UPF3A: variants seen among roughly 807,000 people sequenced by gnomAD.
UPF3A encodes UPF3A regulator of nonsense mediated mRNA decay.
UPF3A carries 42 observed loss-of-function variants against 53.5 expected under a neutral mutation model. The ratio of observed to expected loss-of-function variants is 0.78; its 90% confidence interval spans 0.61 to 1.01. UPF3A has a LOEUF of 1.01. Ranked by LOEUF, UPF3A falls within the 50% of genes least tolerant of loss-of-function variation. The pLI is 0.00. For synonymous variants in UPF3A, 237 were observed against 225.3 expected (o/e 1.05, Z -0.47); for missense variants, 575 against 598.0 (o/e 0.96, Z 0.40).
rs753436215 is a variant in UPF3A, at chr13:114,281,787, T to C, written c.148T>C (p.Ser50Pro). 1 of 1,555,094 alleles carries C rather than the reference T, an allele frequency of 6.4e-7. No individual in the cohort carries two copies. Among genetic ancestry groups the C allele is most frequent in the African/African-American group, 1.4e-5 (1 of 72,530 alleles). ...QEAETPPTSS[S>P]GCGGGAGKPR... ...GGCTGAGACGCCGCCAACTTCGTCC[T>C]CCGGTTGCGGGGGCGGTGCGGGCAA... Residue 50 changes from serine to proline, a missense_variant, in exon 1 of 10, where the codon TCC becomes CCC. By Grantham distance (74) the Ser-to-Pro change is moderately conservative. Around this residue, in one of 2 missense-constraint regions of UPF3A, gnomAD observed 252 missense variants for 182.7 expected, o/e 1.38. Transcript: ENST00000375299.
rs200734238 is a variant in UPF3A at position 114,301,731 on chromosome 13, G to A, written c.1008G>A (p.Thr336=). The stretch of plus-strand genomic sequence containing the variant: ...GCTGATCATTTGTGTTGAATCATAG[G>A]TCACACAGCGGCAGTGATAAAGAGC... ...MEGSLEEPQE[T]SHSGSDKEHR... The change falls in exon 9 of 10, where the codon ACG becomes ACA. Residue 336 remains threonine, a splice_region_variant and synonymous_variant. Transcript: ENST00000375299. The A allele has an allele frequency of 2.0e-5, 32 of 1,606,476 alleles. No individual in the cohort carries two copies. In the South Asian group the frequency reaches 2.9e-4, roughly 14 times the overall value.
intron 5 of UPF3A, among the ~76,000 whole-genome samples, chr13:114,288,424 C>T (rs562197261): frequency 3.3e-5 from 5 of 152,214 alleles, no homozygotes; most frequent in South Asian, 2.1e-4. Flanking sequence ...TGAGCCTGGC[C>T]GTGCTGAGCA....
rs1428491401 is a variant in UPF3A, at chr13:114,282,097, A to G, written c.284A>G (p.Asp95Gly). The G allele has an allele frequency of 6.3e-7, 1 of 1,577,418 alleles. No homozygotes were observed. The change falls in exon 2 of 10, where the codon GAC becomes GGC. Residue 95 changes from aspartate (D) to glycine (G), a missense_variant. Coordinates refer to ENST00000375299, the MANE Select transcript of UPF3A (RefSeq NM_023011.4). ...CAGCTGCGCCCGCTGCCAGCACACG[A>G]CTACTTCGAGTTCTTCGCCGCCGAC... ...EEQLRPLPAH[D>G]YFEFFAADLS... is the part of the protein sequence containing the mutation.
At chr13:114,290,366 A>G (rs1315859493) in intron 5 of UPF3A, among the ~76,000 whole-genome samples, 1 of 152,172 alleles carries the variant, frequency 6.6e-6, no homozygotes, top group African/African-American at 2.4e-5. Context: ...TTCCTGATTC[A>G]TTCCTGGTCC....
chr13:114,282,148 A>T (rs1487809226), intron 2 of UPF3A, 21 bp downstream of exon 2: 5 of 1,533,698 alleles, frequency 3.3e-6, no homozygotes, highest in East Asian at 2.5e-5. Context: ...CCCCGAGGGG[A>T]GGAAGAGAGG....
chr13:114,293,360 G>T (rs887554712), intron 7 of UPF3A, among the ~76,000 whole-genome samples: 2 of 152,096 alleles, frequency 1.3e-5, no homozygotes, highest in African/African-American at 4.8e-5. Context: ...CTCCAGCCTG[G>T]GCAACAGAGC....
chr13:114,302,794 T>C (rs2086707763), intron 9 of UPF3A, among the ~76,000 whole-genome samples: 1 of 152,222 alleles, frequency 6.6e-6, no homozygotes, highest in Non-Finnish European at 1.5e-5. Flanking sequence ...GTATGAACGA[T>C]GTTCACTTTG....
At chr13:114,302,915 A>T (rs2086720822) in intron 9 of UPF3A, among the ~76,000 whole-genome samples, 1 of 152,178 alleles carries the variant, frequency 6.6e-6, no homozygotes, top group South Asian at 2.1e-4. Context: ...CAGCCTGGCC[A>T]ACATGGCGAA....
chr13:114,291,578 C>T, intron 6 of UPF3A, 34 bp downstream of exon 6: 5 of 1,604,558 alleles, frequency 3.1e-6, no homozygotes, highest in South Asian at 1.1e-5. Flanking sequence ...AACACCCTCC[C>T]TGCTTCTGCC....
chr13:114,302,457 C>A (rs1364404743), intron 9 of UPF3A, among the ~76,000 whole-genome samples: 2 of 152,014 alleles, frequency 1.3e-5, no homozygotes, highest in Admixed American at 6.5e-5. Context: ...GTGGTTACCC[C>A]CTTAGCCAAG....
At position 114,286,288 on chromosome 13, in the gene UPF3A, T is replaced by G; in HGVS notation, c.422-14T>G. 6.2e-7 allele frequency: 1 copy of G among 1,610,926 alleles called. No homozygotes were observed. Among genetic ancestry groups the G allele is most frequent in the Admixed American group, 1.7e-5 (1 of 59,372 alleles). On this transcript the variant is annotated splice_polypyrimidine_tract_variant and intron_variant, in intron 3 of 9. Coordinates refer to ENST00000375299, the MANE Select transcript of UPF3A (RefSeq NM_023011.4). The stretch of plus-strand genomic sequence containing the variant: ...ATTTCAGAATGGCTTCTGGAACATG[T>G]TTCCTGTTAAAAGGCCTAGAATATC...
At chr13:114,286,788 G>A in intron 5 of UPF3A, 159 bp downstream of exon 5, 1 of 633,240 alleles carries the variant, frequency 1.6e-6, no homozygotes, top group Non-Finnish European at 2.8e-6. Context: ...AGAATGGCAA[G>A]ATGGCAGCAT....
chr13:114,295,066 T>G (rs1283840508), intron 7 of UPF3A, among the ~76,000 whole-genome samples: 1 of 138,638 alleles, frequency 7.2e-6, no homozygotes, highest in Non-Finnish European at 1.5e-5. Context: ...GAGCCAAGAT[T>G]GCGCCACTGC....
chr13:114,287,494 G>A (rs2084824982), intron 5 of UPF3A: 3 of 152,438 alleles, frequency 2.0e-5, no homozygotes, highest in African/African-American at 7.2e-5. Flanking sequence ...AGGAGGCTGA[G>A]GCAGGAGAAT....
intron 5 of UPF3A, among the ~76,000 whole-genome samples, chr13:114,291,261 C>T (rs1056564675): frequency 6.6e-6 from 1 of 152,066 alleles, no homozygotes; most frequent in Non-Finnish European, 1.5e-5. Context: ...TATTTTAAGC[C>T]TCCCTTAAGA....
chr13:114,300,493 C>G (rs1284299676), intron 8 of UPF3A, among the ~76,000 whole-genome samples: 1 of 152,072 alleles, frequency 6.6e-6, no homozygotes, highest in Admixed American at 6.6e-5. Context: ...TTCAGCCTCC[C>G]AAGTAGCTGG....
intron 7 of UPF3A, among the ~76,000 whole-genome samples, chr13:114,292,378 C>CATGGGTAAATCAAGTGTCACT (rs1259549784): frequency 6.7e-6 from 1 of 148,642 alleles, no homozygotes; most frequent in Admixed American, 6.7e-5. Context: ...AGGTGTGTTA[C>CATGGGTAAATCAAGTGTCACT]GTGTTCATTT....
At position 114,286,322 on chromosome 13, in the gene UPF3A, G is replaced by A. The variant is rs529401037; in HGVS notation, c.442G>A (p.Val148Ile). 13 of 1,614,068 alleles carry A rather than the reference G, an allele frequency of 8.1e-6. No homozygotes were observed. The highest frequency in any genetic ancestry group is 6.6e-5 in the South Asian group (6 of 91,076). Residue 148 changes from valine (V) to isoleucine (I), a missense_variant, in exon 4 of 10, where the codon GTA (valine) becomes ATA (isoleucine). Val to Ile is a conservative substitution (Grantham distance 29). This residue lies in a region of UPF3A where 323 missense variants were observed against 415.2 expected (regional missense o/e 0.78). Transcript: ENST00000375299. ...DSKGLEYPAV[V>I]EFAPFQKIAK... The stretch of plus-strand genomic sequence containing the variant: ...AAAAGGCCTAGAATATCCTGCAGTG[G>A]TAGAGTTTGCTCCATTCCAGAAGAT...
chr13:114,288,486 C>T (rs1275497093), intron 5 of UPF3A, among the ~76,000 whole-genome samples: 3 of 152,222 alleles, frequency 2.0e-5, no homozygotes, highest in African/African-American at 4.8e-5. Context: ...CTTTTCACTG[C>T]AGGCGCAGAG....
Sources: gnomAD v4.1 joint callset for allele counts (sites outside exome capture counted in the v4.1 genomes callset) on GRCh38, gnomAD v4.1.1 for gene constraint, gnomAD v4.1.1 regional missense constraint, MANE v1.5 for transcripts, NCBI Gene and HGNC (gene_info 2026-07-23, HGNC 2026-07-21) for gene names.